Variants in GALNTL6 observed in about 807,000 individuals in gnomAD.
The protein encoded by GALNTL6 is polypeptide N-acetylgalactosaminyltransferase like 6.
GALNTL6 carries 46 observed loss-of-function variants against 73.7 expected under a neutral mutation model. The ratio of observed to expected loss-of-function variants is 0.62; its 90% CI spans 0.49 to 0.80. The LOEUF is 0.80. Among genes scored for constraint, GALNTL6 ranks in the 30% least tolerant of loss-of-function variants. The pLI, the probability that GALNTL6 is intolerant of heterozygous loss-of-function variation, is 0.00. For synonymous variants in GALNTL6, 259 were observed against 263.7 expected, an observed-to-expected ratio of 0.98 and a Z score of 0.17; for missense variants, 604 against 755.0, an observed-to-expected ratio of 0.80 and a Z score of 2.34.
At chr4:171,948,274 C>T (rs333006) in intron 2 of GALNTL6, among the ~76,000 whole-genome samples, 149,035 of 152,304 alleles carry the variant, frequency 0.98, 73,003 homozygotes, top group Middle Eastern at 1. Context: ...TCTGCGGTAC[C>T]TGTCATAAGA....
intron 5 of GALNTL6, among the ~76,000 whole-genome samples, chr4:172,414,909 AT>A (rs1366391860): frequency 1.3e-5 from 2 of 152,182 alleles, no homozygotes; most frequent in Non-Finnish European, 2.9e-5. Context: ...TGAAGGTATT[AT>A]TGAGTCTTGG....
intron 5 of GALNTL6, among the ~76,000 whole-genome samples, chr4:172,548,953 T>C (rs1398326925): frequency 6.6e-6 from 1 of 152,102 alleles, no homozygotes; most frequent in Non-Finnish European, 1.5e-5. Flanking sequence ...AATCACTATT[T>C]AAGTAGATAC....
intron 8 of GALNTL6, among the ~76,000 whole-genome samples, chr4:172,917,460 C>A (rs982522508): frequency 6.6e-6 from 1 of 152,050 alleles, no homozygotes; most frequent in African/African-American, 2.4e-5. Flanking sequence ...AGTGAACAGG[C>A]AACATACAGA....
At chr4:172,025,589 T>A (rs918766371) in intron 2 of GALNTL6, among the ~76,000 whole-genome samples, 3 of 152,052 alleles carry the variant, frequency 2.0e-5, no homozygotes, top group African/African-American at 7.2e-5. Context: ...ACATGAAGGT[T>A]TTTTTGAAAC....
chr4:172,887,061 C>T (rs919619508), intron 8 of GALNTL6, among the ~76,000 whole-genome samples: 2 of 152,118 alleles, frequency 1.3e-5, no homozygotes, highest in African/African-American at 4.8e-5. Flanking sequence ...TTATCCTCCT[C>T]TTATAAGTGA....
At chr4:172,578,317 G>A (rs1737040105) in intron 5 of GALNTL6, among the ~76,000 whole-genome samples, 1 of 152,170 alleles carries the variant, frequency 6.6e-6, no homozygotes, top group Non-Finnish European at 1.5e-5. Flanking sequence ...CTGCCACACT[G>A]ATTTAGACAT....
chr4:172,580,233 CAA>C (rs1174360830), intron 5 of GALNTL6, among the ~76,000 whole-genome samples: 1 of 152,060 alleles, frequency 6.6e-6, no homozygotes, highest in Non-Finnish European at 1.5e-5. Flanking sequence ...ATCAGCCCCA[CAA>C]AGACTATAAG....
intron 2 of GALNTL6, among the ~76,000 whole-genome samples, chr4:172,092,875 C>CTT (rs201817743): frequency 1.7e-4 from 22 of 130,374 alleles, no homozygotes; most frequent in South Asian, 4.9e-4. Flanking sequence ...TTTTTCTTTT[C>CTT]TTTTTTTTTT....
At chr4:171,988,382 G>A (rs554062165) in intron 2 of GALNTL6, among the ~76,000 whole-genome samples, 1 of 152,296 alleles carries the variant, frequency 6.6e-6, no homozygotes, top group Non-Finnish European at 1.5e-5. Flanking sequence ...AGTAATAGGG[G>A]CTGTCTGTGA....
intron 5 of GALNTL6, among the ~76,000 whole-genome samples, chr4:172,438,983 G>A (rs1731734905): frequency 6.6e-6 from 1 of 151,718 alleles, no homozygotes; most frequent in Admixed American, 6.6e-5. Flanking sequence ...TCTAACTAGG[G>A]CAAAGCCTTC....
intron 8 of GALNTL6, among the ~76,000 whole-genome samples, chr4:172,919,915 C>A (rs559911507): frequency 6.6e-6 from 1 of 152,164 alleles, no homozygotes; most frequent in Non-Finnish European, 1.5e-5. Flanking sequence ...TCCCCGCCCC[C>A]AAATCGCTGT....
chr4:172,306,445 A>G (rs1375229835), intron 3 of GALNTL6, among the ~76,000 whole-genome samples: 2 of 152,190 alleles, frequency 1.3e-5, no homozygotes, highest in African/African-American at 4.8e-5. Context: ...AAGAAAGGAA[A>G]GGCTACTTTA....
chr4:172,556,433 A>C (rs1246206118), intron 5 of GALNTL6, among the ~76,000 whole-genome samples: 4 of 151,242 alleles, frequency 2.6e-5, no homozygotes, highest in Non-Finnish European at 4.4e-5. Flanking sequence ...AGGGTTGCCC[A>C]ATTTAGCAAA....
rs183992217 is a variant in GALNTL6 at position 171,964,225 on chromosome 4, T to C, written c.138+149507T>C. Among the ~76,000 whole-genome samples, 47 of 152,222 alleles carry C rather than the reference T, an allele frequency of 3.1e-4. 1 individual carries two copies. Among genetic ancestry groups the C allele is most frequent in the Admixed American group, 7.8e-4 (12 of 15,290 alleles). ...AGTCCTATGTTTTCTGCTGGTATCA[T>C]TGAAACTGTGGCAGAGTAACTTGTT... On this transcript the variant is annotated intron_variant, in intron 2 of 12. Coordinates refer to ENST00000506823, the MANE Select transcript of GALNTL6 (RefSeq NM_001034845.3).
intron 5 of GALNTL6, among the ~76,000 whole-genome samples, chr4:172,530,901 G>A (rs1735146666): frequency 6.8e-6 from 1 of 147,272 alleles, no homozygotes; most frequent in African/African-American, 2.5e-5. Flanking sequence ...TGTAAACAAT[G>A]TTCACAGACA....
chr4:172,376,460 A>G (rs1193391616), intron 5 of GALNTL6, among the ~76,000 whole-genome samples: 1 of 152,154 alleles, frequency 6.6e-6, no homozygotes, highest in Non-Finnish European at 1.5e-5. Flanking sequence ...CAGCCCAGGA[A>G]AACAGGAAAA....
At chr4:172,384,474 T>C (rs1743391187) in intron 5 of GALNTL6, among the ~76,000 whole-genome samples, 1 of 152,104 alleles carries the variant, frequency 6.6e-6, no homozygotes, top group Non-Finnish European at 1.5e-5. Context: ...ATTCCTGATT[T>C]GTAATTTACA....
intron 4 of GALNTL6, among the ~76,000 whole-genome samples, chr4:172,326,537 G>T (rs1740949704): frequency 6.6e-6 from 1 of 151,914 alleles, no homozygotes; most frequent in African/African-American, 2.4e-5. Context: ...TCAAAGTAGT[G>T]ATAGCATGAC....
At chr4:172,630,539 G>T (rs769921794) in intron 5 of GALNTL6, among the ~76,000 whole-genome samples, 3 of 151,896 alleles carry the variant, frequency 2.0e-5, no homozygotes, top group African/African-American at 4.8e-5. Context: ...CTGCTCAAGA[G>T]TTCTATCTCT....
Sources: gnomAD v4.1 joint callset for allele counts (sites outside exome capture counted in the v4.1 genomes callset) on GRCh38, gnomAD v4.1.1 for gene constraint, MANE v1.5 for transcripts, NCBI Gene and HGNC (gene_info 2026-07-23, HGNC 2026-07-21) for gene names.